Variants in SHISA9 observed in about 807,000 individuals in gnomAD.
The protein encoded by SHISA9 is shisa family member 9.
SHISA9 carries 13 observed loss-of-function variants against 38.0 expected under a neutral mutation model. That is an observed-to-expected ratio of 0.34 (90% CI 0.22 to 0.54). SHISA9 has a LOEUF of 0.54. Among genes scored for constraint, SHISA9 ranks in the 20% least tolerant of loss-of-function variants. SHISA9 has a pLI of 0.91. For missense variants in SHISA9, 538 were observed against 575.8 expected (o/e 0.93, Z 0.67); for synonymous variants, 275 against 242.0 (o/e 1.14, Z -1.27).
At chr16:13,366,568 T>C in the SHISA9 span, among the ~76,000 whole-genome samples, 124,622 of 152,018 alleles carry the variant, frequency 0.82, 51,219 homozygotes, top group East Asian at 0.96. Context: ...TTAGTCAGGG[T>C]GCAGAGGCTC....
At chr16:13,240,894 C>T (rs1361949184), downstream of SHISA9, among the ~76,000 whole-genome samples, 1 of 151,672 alleles carries the variant, frequency 6.6e-6, no homozygotes, top group African/African-American at 2.4e-5. Flanking sequence ...TATGGTTCCT[C>T]CAGAAAGAGG....
intron 2 of SHISA9, among the ~76,000 whole-genome samples, chr16:13,071,918 T>G (rs2073523592): frequency 6.6e-6 from 1 of 152,072 alleles, no homozygotes; most frequent in Non-Finnish European, 1.5e-5. Flanking sequence ...AGTGCTGGAA[T>G]TATAGGTGTG....
At chr16:13,290,774 C>G in the SHISA9 span, among the ~76,000 whole-genome samples, 1 of 152,134 alleles carries the variant, frequency 6.6e-6, no homozygotes, top group African/African-American at 2.4e-5. Flanking sequence ...ATCAGAGACT[C>G]TTAGAACTGA....
chr16:13,074,550 T>C (rs563884579), intron 2 of SHISA9, among the ~76,000 whole-genome samples: 196 of 152,276 alleles, frequency 1.3e-3, no homozygotes, highest in African/African-American at 4.4e-3. Context: ...AGTCTGGCCA[T>C]ACCCAGCCAA....
intron 2 of SHISA9, among the ~76,000 whole-genome samples, chr16:12,959,389 G>C (rs1469374749): frequency 6.6e-6 from 1 of 152,050 alleles, no homozygotes; most frequent in African/African-American, 2.4e-5. Flanking sequence ...GCTTCCTCTG[G>C]GGTATCCACA....
At chr16:13,210,262 C>T (rs983823035) in intron 3 of SHISA9, among the ~76,000 whole-genome samples, 3 of 152,060 alleles carry the variant, frequency 2.0e-5, no homozygotes, top group Non-Finnish European at 4.4e-5. Context: ...TTCATTAGCC[C>T]CTTGTCCAGT....
chr16:13,375,713 G>C, the SHISA9 span, among the ~76,000 whole-genome samples: 1 of 152,126 alleles, frequency 6.6e-6, no homozygotes, highest in Non-Finnish European at 1.5e-5. Context: ...ATTAAGAAAA[G>C]AAGCCTAAGA....
the SHISA9 span, among the ~76,000 whole-genome samples, chr16:13,459,333 G>A: frequency 1.1e-4 from 17 of 152,028 alleles, no homozygotes; most frequent in Non-Finnish European, 2.2e-4. Flanking sequence ...CTGGTGACAT[G>A]GGGGGAGGAG....
intron 2 of SHISA9, among the ~76,000 whole-genome samples, chr16:12,922,523 T>C (rs1381784765): frequency 6.6e-6 from 1 of 152,208 alleles, no homozygotes; most frequent in African/African-American, 2.4e-5. Flanking sequence ...TTCCCCAACC[T>C]TTTCTTTTCT....
the SHISA9 span, among the ~76,000 whole-genome samples, chr16:13,267,288 T>C: frequency 6.6e-6 from 1 of 152,178 alleles, no homozygotes; most frequent in Admixed American, 6.5e-5. Context: ...TTTAAAAACA[T>C]ATGGGAACAT....
the SHISA9 span, among the ~76,000 whole-genome samples, chr16:13,488,731 A>G: frequency 2.0e-5 from 3 of 152,200 alleles, no homozygotes; most frequent in African/African-American, 7.2e-5. Flanking sequence ...TCACCTAACA[A>G]TGCATTCTTA....
chr16:13,095,324 A>G (rs2073814149), intron 2 of SHISA9, among the ~76,000 whole-genome samples: 1 of 152,250 alleles, frequency 6.6e-6, no homozygotes, highest in Non-Finnish European at 1.5e-5. Context: ...GGGAGTGGTC[A>G]GCTTTGCTGT....
chr16:13,305,231 A>G, the SHISA9 span, among the ~76,000 whole-genome samples: 4 of 152,102 alleles, frequency 2.6e-5, no homozygotes, highest in Non-Finnish European at 5.9e-5. Flanking sequence ...TTTTACTACA[A>G]TCTGTCACGT....
chr16:13,349,565 G>C, the SHISA9 span, among the ~76,000 whole-genome samples: 198 of 152,352 alleles, frequency 1.3e-3, 1 homozygote, highest in Non-Finnish European at 2.1e-3. Context: ...TAGCATTTCT[G>C]TTGCAACAAG....
At chr16:13,555,905 T>C in the SHISA9 span, among the ~76,000 whole-genome samples, 1 of 152,168 alleles carries the variant, frequency 6.6e-6, no homozygotes, top group Non-Finnish European at 1.5e-5. Context: ...TAGGTTCAGT[T>C]CCTCACTCTG....
intron 2 of SHISA9, among the ~76,000 whole-genome samples, chr16:13,132,821 T>C (rs1053433908): frequency 6.6e-6 from 1 of 152,220 alleles, no homozygotes; most frequent in Non-Finnish European, 1.5e-5. Context: ...TGGGAAAAAG[T>C]GAACAAGTTG....
rs879741742 is a variant in SHISA9, at chr16:13,235,057, C to T, written c.923C>T (p.Thr308Ile). 6.4e-7 allele frequency: 1 copy of T among 1,551,124 alleles called. No individual in the cohort carries two copies. The highest frequency in any genetic ancestry group is 2.4e-5 in the East Asian group (1 of 40,886). The change falls in exon 5 of 5, where the codon ACC becomes ATC. Residue 308 changes from threonine (T) to isoleucine (I), a missense_variant. Coordinates refer to ENST00000558583, the MANE Select transcript of SHISA9 (RefSeq NM_001145204.3). ...GACAAGGTCAATGACGACTTCTACA[C>T]CAAGCGACGGCACCTGGCTGAGCTG... Reference protein sequence around the residue: ...KADKVNDDFYTKRRHLAELAA... With the variant: ...KADKVNDDFYIKRRHLAELAA...
chr16:12,905,927 C>T (rs1027908161), intron 1 of SHISA9, among the ~76,000 whole-genome samples: 1 of 152,184 alleles, frequency 6.6e-6, no homozygotes, highest in African/African-American at 2.4e-5. Context: ...GCTTGTTTCT[C>T]AACGTATGTA....
chr16:13,357,802 T>TG, the SHISA9 span, among the ~76,000 whole-genome samples: 34 of 121,394 alleles, frequency 2.8e-4, no homozygotes, highest in African/African-American at 1.0e-3. Context: ...TGGGCAGGAG[T>TG]GGGGGTCGCA....
Sources: allele counts gnomAD v4.1 joint callset (sites outside exome capture counted in the v4.1 genomes callset), GRCh38; gene constraint gnomAD v4.1.1; transcripts MANE v1.5; gene names NCBI Gene and HGNC (gene_info 2026-07-23, HGNC 2026-07-21).